The following RYR1 variants were observed in gnomAD, a reference collection of about 807,000 sequenced individuals.
The protein encoded by RYR1 is ryanodine receptor 1.
In RYR1, 342 loss-of-function variants were observed where a neutral mutation model predicts 583.5. The observed-to-expected ratio is 0.59, with a 90% CI of 0.54 to 0.64. RYR1 has a LOEUF of 0.64. Among genes scored for constraint, RYR1 ranks in the 30% least tolerant of loss-of-function variants. The pLI, the probability that RYR1 is intolerant of heterozygous loss-of-function variation, is 0.00. For synonymous variants in RYR1, 2,791 were observed against 2,822.5 expected, an observed-to-expected ratio of 0.99 and a Z score of 0.35; for missense variants, 6,032 against 6,917.2, an observed-to-expected ratio of 0.87 and a Z score of 4.54.
At chr19:38,466,024 C>T in intron 23 of RYR1, 67 bp from the exon 24 acceptor site, 1 of 1,450,276 alleles carries the variant, frequency 6.9e-7, no homozygotes, top group Non-Finnish European at 9.5e-7. Flanking sequence ...GTCAGGGATC[C>T]CATATAGTGC....
Position 38,517,561 on chromosome 19 carries a change from G to A in RYR1, c.9888G>A (p.Leu3296=). The change falls in exon 66 of 106, where the codon CTG becomes CTA. Residue 3296 remains leucine (L), a synonymous_variant. Transcript: ENST00000359596. ...GGCCCGAGGCACCCCCTTCCGCCCTGCCCGCCGGCGCCCCCCCACCCTGCA... is the reference window on the plus strand; with the variant it reads ...GGCCCGAGGCACCCCCTTCCGCCCTACCCGCCGGCGCCCCCCCACCCTGCA... The part of the protein sequence containing the change: ...ERGPEAPPSA[L]PAGAPPPCTA... 1 of 1,613,764 alleles carries A rather than the reference G, an allele frequency of 6.2e-7. No individual in the cohort carries two copies. Among genetic ancestry groups the A allele is most frequent in the African/African-American group, 1.3e-5 (1 of 74,984 alleles).
intron 58 of RYR1, 21 bp downstream of exon 58, chr19:38,507,848 C>T: frequency 1.2e-5 from 17 of 1,478,196 alleles, no homozygotes; most frequent in Non-Finnish European, 1.3e-5. Flanking sequence ...ATACCCCCCG[C>T]TTATGCCCGC....
chr19:38,536,759 G>T lies in RYR1; in HGVS notation c.11600G>T (p.Arg3867Leu). Residue 3867 changes from arginine (R) to leucine (L), a missense_variant, in exon 83 of 106, where the codon CGC becomes CTC. By Grantham distance (102) the Arg-to-Leu change is moderately radical. Around this residue, in one of 11 missense-constraint regions of RYR1, gnomAD observed 1,493 missense variants for 1,715.5 expected, o/e 0.87. Transcript: ENST00000359596. ...CTGTTGGCTGCCCCAGTCATCAATCGCCAGAACGGTAATTCCCCCAGCCCA... is the reference window on the plus strand; with the variant it reads ...CTGTTGGCTGCCCCAGTCATCAATCTCCAGAACGGTAATTCCCCCAGCCCA... ...MVNEDGTVIN[R>L]QNGEKVMADD... 1 of 1,613,394 alleles carries T rather than the reference G, an allele frequency of 6.2e-7. No individual in the cohort carries two copies. Among genetic ancestry groups the T allele is most frequent in the East Asian group, 2.2e-5 (1 of 44,816 alleles).
At chr19:38,465,625 G>A (rs1363575979) in intron 23 of RYR1, among the ~76,000 whole-genome samples, 1 of 152,138 alleles carries the variant, frequency 6.6e-6, no homozygotes, top group Non-Finnish European at 1.5e-5. Flanking sequence ...TTAGCCGGGT[G>A]TGGTGGCACA....
At chr19:38,467,212 C>T (rs1391578350) in intron 24 of RYR1, among the ~76,000 whole-genome samples, 2 of 152,158 alleles carry the variant, frequency 1.3e-5, no homozygotes, top group Non-Finnish European at 2.9e-5. Context: ...ACTCTTGGCC[C>T]CAACCTGAAT....
chr19:38,460,249 G>T, intron 19 of RYR1, 126 bp from the exon 20 acceptor site: 1 of 838,144 alleles, frequency 1.2e-6, no homozygotes, highest in South Asian at 1.4e-5. Flanking sequence ...CACTATGACT[G>T]CCCGGTGACC....
intron 83 of RYR1, chr19:38,537,190 G>A (rs111262200): frequency 0.017 from 4,570 of 264,642 alleles, 64 homozygotes; most frequent in Non-Finnish European, 0.025. Flanking sequence ...TCCACCAACC[G>A]AATTGGTTGC....
chr19:38,580,984 C>T (rs540158909), intron 101 of RYR1, among the ~76,000 whole-genome samples: 188 of 151,888 alleles, frequency 1.2e-3, no homozygotes, highest in African/African-American at 4.2e-3. Flanking sequence ...CTGCAACCTC[C>T]GCTTCCTGGG....
At chr19:38,581,271 G>T (rs1238830519) in intron 101 of RYR1, among the ~76,000 whole-genome samples, 1 of 152,118 alleles carries the variant, frequency 6.6e-6, no homozygotes, top group Non-Finnish European at 1.5e-5. Flanking sequence ...TAGAGCCGGG[G>T]TTTCACCATG....
Position 38,496,704 on chromosome 19 carries a change from A to G in RYR1, c.6797-156A>G, listed in dbSNP as rs992527284. On this transcript the variant is annotated intron_variant, in intron 41 of 105. Transcript: ENST00000359596. The surrounding 1 kb of genome is among the most constrained non-coding windows in gnomAD (Gnocchi z 4.8). ...TGCTGGGGACACAATAGTGACCCCA[A>G]TAGTGACAGCCCAGAGTGGTCAGAG... 6.6e-6 allele frequency among the ~76,000 whole-genome samples: 1 copy of G among 152,312 alleles called. No individual in the cohort carries two copies. The highest frequency in any genetic ancestry group is 1.5e-5 in the Non-Finnish European group (1 of 68,010).
At position 38,543,451 on chromosome 19, in the gene RYR1, G is replaced by A. The variant is rs756806232; in HGVS notation, c.11778+16G>A. Reference sequence around the variant, plus strand: ...GCGGCTGCAGGTGAGGACGTGAGACGGTTCAGGTGTGACTTGGGTCGGGGG... The same window carrying A: ...GCGGCTGCAGGTGAGGACGTGAGACAGTTCAGGTGTGACTTGGGTCGGGGG... On this transcript the variant is annotated intron_variant, in intron 85 of 105. Transcript: ENST00000359596. This position sits in a 1 kb window ranked among gnomAD's most constrained non-coding sequence, Gnocchi z 4.4. 2 of 1,614,086 alleles carry A rather than the reference G, an allele frequency of 1.2e-6. No homozygotes were observed. Among genetic ancestry groups the A allele is most frequent in the South Asian group, 1.1e-5 (1 of 91,080 alleles).
intron 99 of RYR1, among the ~76,000 whole-genome samples, chr19:38,579,160 C>T (rs1354886146): frequency 6.6e-6 from 1 of 151,972 alleles, no homozygotes; most frequent in Non-Finnish European, 1.5e-5. Flanking sequence ...GTGGCTCAGG[C>T]CTGTAATCCC....
chr19:38,559,228 CTTTTTTTTTTT>C (rs34239565), intron 89 of RYR1, among the ~76,000 whole-genome samples: 1 of 101,304 alleles, frequency 9.9e-6, no homozygotes, highest in Non-Finnish European at 2.0e-5. Flanking sequence ...AGGTGGGCTT[CTTTTTTTTTTT>C]TTTTTTTTTT....
intron 38 of RYR1, among the ~76,000 whole-genome samples, chr19:38,493,768 C>T (rs1969670030): frequency 6.6e-6 from 1 of 152,076 alleles, no homozygotes; most frequent in African/African-American, 2.4e-5. Context: ...GATCCACCCG[C>T]CTCAGCCTCC....
At chr19:38,435,026 C>G (rs1972364576) in intron 1 of RYR1, among the ~76,000 whole-genome samples, 1 of 152,234 alleles carries the variant, frequency 6.6e-6, no homozygotes, top group South Asian at 2.1e-4. Context: ...AGCCCCTCAG[C>G]AGACACCATG....
rs75238787 is a variant in RYR1 at position 38,481,946 on chromosome 19, G to A, written c.4621-1081G>A. On this transcript the variant is annotated intron_variant, in intron 31 of 105. Coordinates refer to ENST00000359596, the MANE Select transcript of RYR1 (RefSeq NM_000540.3). ...CTACTAAAAATACAAAAATTAGCCTGGCGTGGTGACGGGCGCCTGTAATCC... is the reference window on the plus strand; with the variant it reads ...CTACTAAAAATACAAAAATTAGCCTAGCGTGGTGACGGGCGCCTGTAATCC... Among the ~76,000 whole-genome samples, 373 of 152,170 alleles carry A rather than the reference G, an allele frequency of 2.5e-3. 12 individuals carry two copies. In the East Asian group the frequency reaches 0.04, roughly 16 times the overall value.
At position 38,570,622 on chromosome 19, in the gene RYR1, A is replaced by C; in HGVS notation, c.13675A>C (p.Asn4559His). The C allele has an allele frequency of 6.2e-7, 1 of 1,613,890 alleles. No homozygotes were observed. Among genetic ancestry groups the C allele is most frequent in the South Asian group, 1.1e-5 (1 of 91,066 alleles). The change falls in exon 94 of 106, where the codon AAC becomes CAC. Residue 4559 changes from asparagine (N) to histidine (H), a missense_variant. This residue lies in a region of RYR1 where 753 missense variants were observed against 759.6 expected (regional missense o/e 0.99). Transcript: ENST00000359596. ...RVKFLNYLSRNFYTLRFLALF... is the reference protein window; with the variant it reads ...RVKFLNYLSRHFYTLRFLALF... ...TCTCTCTCAGAACTACCTGTCCCGG[A>C]ACTTTTACACCCTGCGGTTCCTTGC...
At chr19:38,486,234 A>G (rs892493305) in intron 34 of RYR1, 32 bp downstream of exon 34, 3 of 1,612,316 alleles carry the variant, frequency 1.9e-6, no homozygotes, top group East Asian at 2.2e-5. Context: ...CCTCTGTCCC[A>G]TTCTTCTCCC....
At chr19:38,475,574 A>C (rs1045695999) in intron 29 of RYR1, 124 bp downstream of exon 29, 38 of 1,171,982 alleles carry the variant, frequency 3.2e-5, no homozygotes, top group South Asian at 7.7e-5. Flanking sequence ...CCCAATATAC[A>C]CTAGAAACTC....
Sources: gnomAD v4.1 joint callset for allele counts (sites outside exome capture counted in the v4.1 genomes callset) on GRCh38, gnomAD v4.1.1 for gene constraint, gnomAD v4.1.1 regional missense constraint, Gnocchi (gnomAD v3.1) non-coding constraint, MANE v1.5 for transcripts, NCBI Gene and HGNC (gene_info 2026-07-23, HGNC 2026-07-21) for gene names.